CNTN6: variants seen among roughly 807,000 people sequenced by gnomAD.
CNTN6 encodes contactin 6, also known as contactin-6.
A neutral mutation model predicts 122.8 loss-of-function variants in CNTN6; 137 were observed. The ratio of observed to expected loss-of-function variants is 1.12; its 90% CI spans 0.97 to 1.29. The LOEUF is 1.29. Ranked by LOEUF, CNTN6 falls within the 50% of genes most tolerant of loss-of-function variation. CNTN6 has a pLI of 0.00. For synonymous variants in CNTN6, 570 were observed against 426.0 expected (o/e 1.34, Z -4.16); for missense variants, 1,634 against 1,223.4 (o/e 1.34, Z -5.01).
chr3:1,259,433 T>G (rs2094809370), intron 4 of CNTN6, among the ~76,000 whole-genome samples: 1 of 152,116 alleles, frequency 6.6e-6, no homozygotes, highest in Non-Finnish European at 1.5e-5. Flanking sequence ...TTTTTTTTGT[T>G]TTTAATTAAT....
In CNTN6 at chr3:1,311,565, CTT is replaced by C. The variant is rs1174859316; in HGVS notation, c.762-10083_762-10082del. Among the ~76,000 whole-genome samples, 3 of 146,200 alleles carry C rather than the reference CTT, an allele frequency of 2.1e-5. 1 individual carries two copies. The highest frequency in any genetic ancestry group is 3.0e-5 in the Non-Finnish European group (2 of 66,492). ...AAATGTCTATGTGTATATAAAATAT[CTT>C]TATATACACATATATGTATATATAA... is the stretch of plus-strand genomic sequence containing the variant. On this transcript the variant is annotated intron_variant, in intron 7 of 22. Transcript: ENST00000446702.
intron 2 of CNTN6, among the ~76,000 whole-genome samples, chr3:1,156,630 T>TCTTC (rs1491438238): frequency 6.3e-4 from 93 of 148,408 alleles, no homozygotes; most frequent in African/African-American, 2.4e-3. Context: ...TTTCTTTCTT[T>TCTTC]CTCTTTCTTT....
intron 3 of CNTN6, among the ~76,000 whole-genome samples, chr3:1,225,868 T>C (rs2094276241): frequency 6.6e-6 from 1 of 152,190 alleles, no homozygotes; most frequent in South Asian, 2.1e-4. Context: ...ATTTCAAAGT[T>C]AACAGAGTTG....
chr3:1,103,522 C>G (rs568829970), intron 1 of CNTN6, among the ~76,000 whole-genome samples: 8 of 152,278 alleles, frequency 5.3e-5, no homozygotes, highest in African/African-American at 1.9e-4. Context: ...ACTGACTTCA[C>G]TCTTATTCTG....
intron 12 of CNTN6, among the ~76,000 whole-genome samples, chr3:1,363,853 C>G (rs1456273436): frequency 6.6e-6 from 1 of 151,876 alleles, no homozygotes; most frequent in Non-Finnish European, 1.5e-5. Context: ...TCCATAATAG[C>G]TGTACCAATA....
intron 20 of CNTN6, among the ~76,000 whole-genome samples, chr3:1,389,885 T>C (rs1308783419): frequency 1.3e-5 from 2 of 151,484 alleles, no homozygotes; most frequent in East Asian, 3.9e-4. Context: ...ATGCACCCAA[T>C]ACAGGAGCAC....
chr3:1,276,451 A>G (rs1692379531), intron 4 of CNTN6, among the ~76,000 whole-genome samples: 1 of 152,154 alleles, frequency 6.6e-6, no homozygotes, highest in Admixed American at 6.5e-5. Context: ...ATTATTTCCA[A>G]TCCATTTTAT....
At chr3:1,296,294 A>G (rs1696219859) in intron 6 of CNTN6, among the ~76,000 whole-genome samples, 2 of 152,132 alleles carry the variant, frequency 1.3e-5, no homozygotes, top group South Asian at 4.1e-4. Context: ...AAAGCAAACC[A>G]ACATTAATTA....
intron 12 of CNTN6, among the ~76,000 whole-genome samples, 179 bp from the exon 13 acceptor site, chr3:1,372,120 A>G (rs1709099523): frequency 6.6e-6 from 1 of 152,200 alleles, no homozygotes; most frequent in Admixed American, 6.5e-5. Flanking sequence ...GTAATAAGCT[A>G]CAATAATAAA....
At chr3:1,311,534 A>G (rs2619494) in intron 7 of CNTN6, among the ~76,000 whole-genome samples, 9,930 of 90,838 alleles carry the variant, frequency 0.11, 3,543 homozygotes, top group African/African-American at 0.63. Flanking sequence ...ACATATATGT[A>G]CATATAAATG....
intron 5 of CNTN6, among the ~76,000 whole-genome samples, chr3:1,288,460 G>C (rs1340922393): frequency 6.6e-6 from 1 of 152,132 alleles, no homozygotes; most frequent in Non-Finnish European, 1.5e-5. Context: ...AACCATGATT[G>C]ACCACCCAAG....
chr3:1,234,471 A>T (rs2125579475), intron 4 of CNTN6, among the ~76,000 whole-genome samples: 1 of 152,290 alleles, frequency 6.6e-6, no homozygotes, highest in Admixed American at 6.5e-5. Flanking sequence ...TTCATATATA[A>T]GAAATATAAA....
intron 11 of CNTN6, among the ~76,000 whole-genome samples, chr3:1,332,626 G>A (rs558597479): frequency 2.6e-5 from 4 of 152,030 alleles, no homozygotes; most frequent in African/African-American, 9.6e-5. Context: ...TACTATAGAC[G>A]TGGTGTGATA....
chr3:1,292,025 A>G (rs1410954855), intron 5 of CNTN6, among the ~76,000 whole-genome samples: 1 of 152,162 alleles, frequency 6.6e-6, no homozygotes, highest in Non-Finnish European at 1.5e-5. Flanking sequence ...ATCCATCGTC[A>G]AAACAATTTT....
At chr3:1,328,235 G>A (rs1326992989) in intron 10 of CNTN6, among the ~76,000 whole-genome samples, 1 of 151,830 alleles carries the variant, frequency 6.6e-6, no homozygotes, top group Non-Finnish European at 1.5e-5. Context: ...AGAGGAGGTA[G>A]AAAAATAAGT....
intron 2 of CNTN6, among the ~76,000 whole-genome samples, chr3:1,152,790 T>G (rs1198323934): frequency 1.3e-5 from 2 of 152,226 alleles, no homozygotes; most frequent in African/African-American, 2.4e-5. Flanking sequence ...TCTGTTCTTA[T>G]GAGTTAACCA....
At position 1,372,878 on chromosome 3, in the gene CNTN6, A is replaced by T. The variant is rs1194439705; in HGVS notation, c.1709A>T (p.His570Leu). The T allele has an allele frequency of 6.2e-7, 1 of 1,609,974 alleles. No homozygotes were observed. The change falls in exon 14 of 23, where the codon CAT (histidine) becomes CTT (leucine). Residue 570 changes from histidine to leucine, a missense_variant. Coordinates refer to ENST00000446702, the MANE Select transcript of CNTN6 (RefSeq NM_001289080.2). ...TTGATGATAAGGAATATTCAGTTAC[A>T]TCATTCAGGAAAATATCTCTGCACA... is the stretch of plus-strand genomic sequence containing the variant. ...GDLMIRNIQLHHSGKYLCTVQ... is the reference protein window; with the variant it reads ...GDLMIRNIQLLHSGKYLCTVQ...
At chr3:1,112,125 T>G (rs1348545699) in intron 1 of CNTN6, among the ~76,000 whole-genome samples, 2 of 152,092 alleles carry the variant, frequency 1.3e-5, no homozygotes, top group Non-Finnish European at 1.5e-5. Context: ...ATGTAAAACT[T>G]AAGGATCAGT....
At chr3:1,222,781 T>G (rs966248434) in intron 3 of CNTN6, among the ~76,000 whole-genome samples, 2 of 152,046 alleles carry the variant, frequency 1.3e-5, no homozygotes, top group Admixed American at 1.3e-4. Context: ...GGGGGTTTGT[T>G]GTACAAATTA....
Sources: allele counts gnomAD v4.1 joint callset (sites outside exome capture counted in the v4.1 genomes callset), GRCh38; gene constraint gnomAD v4.1.1; transcripts MANE v1.5; gene names NCBI Gene and HGNC (gene_info 2026-07-23, HGNC 2026-07-21).